The following LATS1 variants were observed in gnomAD, a reference collection of about 807,000 sequenced individuals.
The protein encoded by LATS1 is large tumor suppressor kinase 1.
In LATS1, 25 loss-of-function variants were observed where a neutral mutation model predicts 106.6. The observed-to-expected ratio is 0.23, with a 90% confidence interval of 0.17 to 0.33. The LOEUF (loss-of-function observed/expected upper bound fraction) is 0.33. Ranked by LOEUF, LATS1 falls within the 10% of genes least tolerant of loss-of-function variation. The probability of loss-of-function intolerance (pLI) is 1.00; values close to 1 mark genes in which losing one functional copy is unlikely to be tolerated. For synonymous variants in LATS1, 465 were observed against 455.6 expected (o/e 1.02, Z -0.26); for missense variants, 1,040 against 1,382.6 (o/e 0.75, Z 3.93).
intron 7 of LATS1, among the ~76,000 whole-genome samples, chr6:149,663,846 C>T (rs1178158455): frequency 6.7e-6 from 1 of 149,646 alleles, no homozygotes; most frequent in South Asian, 2.1e-4. Context: ...CTTGCTCTGT[C>T]GCCCAGGATG....
rs1489474954 is a variant in LATS1 at position 149,660,794 on chromosome 6, C to T, written c.*935G>A. The T allele has an allele frequency of 1.4e-5, 3 of 221,698 alleles. No individual in the cohort carries two copies. Among genetic ancestry groups the T allele is most frequent in the Non-Finnish European group, 2.7e-5 (3 of 110,906 alleles). The allele number at this position is 221,698 out of a possible 1,614,324, so 13.7% of individuals were successfully genotyped here. A position where few individuals can be genotyped will look rare whatever the true frequency, so the allele number is the denominator to read the frequency against. On this transcript the variant is annotated 3_prime_UTR_variant, in exon 8 of 8. Transcript: ENST00000543571. ...TGCCAGATAGCCAGATTTTCCTTTG[C>T]CAATAACAATCTGTATATGCAGCAC...
intron 3 of LATS1, among the ~76,000 whole-genome samples, chr6:149,686,860 A>G (rs1782401669): frequency 6.6e-6 from 1 of 151,996 alleles, no homozygotes; most frequent in African/African-American, 2.4e-5. Context: ...TAAACCATCT[A>G]TTGCCCTCAT....
intron 1 of LATS1, among the ~76,000 whole-genome samples, chr6:149,709,432 G>A (rs1036264563): frequency 1.5e-4 from 23 of 152,094 alleles, no homozygotes; most frequent in Admixed American, 1.2e-3. Flanking sequence ...TCTCTTGTGC[G>A]GAAAATCTAC....
chr6:149,684,691 CA>C (rs1180023574), intron 3 of LATS1, 99 bp from the exon 4 acceptor site: 18 of 776,590 alleles, frequency 2.3e-5, no homozygotes, highest in Non-Finnish European at 3.4e-5. Flanking sequence ...AAATGATACT[CA>C]ATTCTCTTTC....
chr6:149,683,000 T>C (rs1040981092), intron 4 of LATS1, 79 bp downstream of exon 4: 1 of 1,141,776 alleles, frequency 8.8e-7, no homozygotes, highest in African/African-American at 1.6e-5. Flanking sequence ...GAAAGAAAAA[T>C]ACTGGACACA....
chr6:149,715,258 G>T (rs986491771), intron 1 of LATS1, among the ~76,000 whole-genome samples: 1 of 151,914 alleles, frequency 6.6e-6, no homozygotes, highest in African/African-American at 2.4e-5. Flanking sequence ...TAGTAGAGAT[G>T]GGGTTTCACC....
intron 3 of LATS1, among the ~76,000 whole-genome samples, chr6:149,686,603 T>C (rs559411973): frequency 8.5e-5 from 13 of 152,340 alleles, no homozygotes; most frequent in African/African-American, 3.1e-4. Context: ...TTTCAGCCCT[T>C]TGAAATTAAG....
In LATS1 at chr6:149,694,981, A is replaced by G. The variant is rs1167010126; in HGVS notation, c.496+93T>C. 8.2e-6 allele frequency: 9 copies of G among 1,090,964 alleles called. No homozygotes were observed. The East Asian group carries it at 2.3e-4, about 28-fold the overall frequency. 67.6% of individuals were successfully genotyped at this position (1,090,964 alleles called of 1,614,324 possible). On this transcript the variant is annotated intron_variant, in intron 3 of 7. Transcript: ENST00000543571. ...GACTTTCATTTACTGGGATGCTTTTACAATTTCTAAGAAGGAAGATTTGAT... is the reference window on the plus strand; with the variant it reads ...GACTTTCATTTACTGGGATGCTTTTGCAATTTCTAAGAAGGAAGATTTGAT...
intron 3 of LATS1, among the ~76,000 whole-genome samples, chr6:149,691,750 A>G (rs1782764518): frequency 6.6e-6 from 1 of 152,106 alleles, no homozygotes; most frequent in Non-Finnish European, 1.5e-5. Context: ...TGTATGGCTC[A>G]TACATACATC....
In LATS1 at chr6:149,659,806, A is replaced by G. The variant is rs986616474; in HGVS notation, c.*1923T>C. On this transcript the variant is annotated 3_prime_UTR_variant, in exon 8 of 8. Transcript: ENST00000543571. ...ATGAGGTGAAGACTGCGATTTCATG[A>G]TAGCACATTGTTTTACAATTCTGAT... 1 of 225,958 alleles carries G rather than the reference A, an allele frequency of 4.4e-6. No homozygotes were observed. The highest frequency in any genetic ancestry group is 8.8e-6 in the Non-Finnish European group (1 of 113,604). 14.0% of individuals were successfully genotyped at this position (225,958 alleles called of 1,614,324 possible).
At chr6:149,697,759 T>C (rs186786899) in intron 2 of LATS1, among the ~76,000 whole-genome samples, 3 of 152,272 alleles carry the variant, frequency 2.0e-5, no homozygotes, top group African/African-American at 7.2e-5. Context: ...GTTTTTGAGA[T>C]GGAGACTCGC....
chr6:149,690,633 A>G (rs922258110), intron 3 of LATS1, among the ~76,000 whole-genome samples: 1 of 151,844 alleles, frequency 6.6e-6, no homozygotes, highest in African/African-American at 2.4e-5. Context: ...TGCAGCCTCA[A>G]CTTTCTGGGT....
intron 7 of LATS1, among the ~76,000 whole-genome samples, chr6:149,674,052 T>C (rs1396645914): frequency 1.3e-5 from 2 of 151,270 alleles, no homozygotes; most frequent in South Asian, 2.1e-4. Flanking sequence ...AAAGAAACGA[T>C]GGAATCTCAG....
chr6:149,671,402 A>G (rs765794870), intron 7 of LATS1, among the ~76,000 whole-genome samples: 14 of 151,792 alleles, frequency 9.2e-5, no homozygotes, highest in Non-Finnish European at 1.8e-4. Flanking sequence ...CCAAAGTGCT[A>G]GGATTACAGG....
rs972862069 is a variant in LATS1, at chr6:149,660,683, A to G, written c.*1046T>C. The G allele has an allele frequency of 1.3e-5, 3 of 230,434 alleles. No individual in the cohort carries two copies. The highest frequency in any genetic ancestry group is 2.2e-5 in the African/African-American group (1 of 45,214). The allele number at this position is 230,434 out of a possible 1,614,324, so 14.3% of individuals were successfully genotyped here. A position where few individuals can be genotyped will look rare whatever the true frequency, so the allele number is the denominator to read the frequency against. ...TTAGGAGGACTTGAATTTTCTACTA[A>G]GACCACTCTGTAAACTTTCCTAATT... On this transcript the variant is annotated 3_prime_UTR_variant, in exon 8 of 8. Transcript: ENST00000543571.
intron 4 of LATS1, among the ~76,000 whole-genome samples, chr6:149,682,127 G>T: frequency 7.1e-6 from 1 of 140,994 alleles, no homozygotes. Context: ...AAAAAAAAAT[G>T]ATGATCGTAC....
In LATS1 at chr6:149,661,551, C is replaced by T. The variant is rs913362620; in HGVS notation, c.*178G>A. The T allele has an allele frequency of 5.4e-5, 27 of 501,618 alleles. No homozygotes were observed. The highest frequency in any genetic ancestry group is 1.8e-4 in the African/African-American group (9 of 50,572). The allele number at this position is 501,618 out of a possible 1,614,324, so 31.1% of individuals were successfully genotyped here. On this transcript the variant is annotated 3_prime_UTR_variant, in exon 8 of 8. Coordinates refer to ENST00000543571, the MANE Select transcript of LATS1 (RefSeq NM_004690.4). ...ATTTTTTTCTAAATACTGATTTAAA[C>T]GGCTGGAATAAATTAACATTTTAAA...
In LATS1 at chr6:149,660,952, T is replaced by G; in HGVS notation, c.*777A>C. 1 of 212,950 alleles carries G rather than the reference T, an allele frequency of 4.7e-6. No individual in the cohort carries two copies. The highest frequency in any genetic ancestry group is 9.5e-6 in the Non-Finnish European group (1 of 105,098). 13.2% of individuals were successfully genotyped at this position (212,950 alleles called of 1,614,324 possible). On this transcript the variant is annotated 3_prime_UTR_variant, in exon 8 of 8. Coordinates refer to ENST00000543571, the MANE Select transcript of LATS1 (RefSeq NM_004690.4). Reference sequence around the variant, plus strand: ...TATTTTAGCTTTTAGTATTGAACATTTCGATTTATGGCAGCTTTGTTCCCT... The same window carrying G: ...TATTTTAGCTTTTAGTATTGAACATGTCGATTTATGGCAGCTTTGTTCCCT...
intron 1 of LATS1, among the ~76,000 whole-genome samples, chr6:149,709,037 G>A (rs548467905): frequency 6.6e-6 from 1 of 152,194 alleles, no homozygotes; most frequent in Admixed American, 6.5e-5. Flanking sequence ...GTAGGTTGTT[G>A]GCATGGGAAA....
Sources: gnomAD v4.1 joint callset for allele counts (sites outside exome capture counted in the v4.1 genomes callset) on GRCh38, gnomAD v4.1.1 for gene constraint, MANE v1.5 for transcripts, NCBI Gene and HGNC (gene_info 2026-07-23, HGNC 2026-07-21) for gene names.